Variants in ZNF536 observed in about 807,000 individuals in gnomAD.
The protein encoded by ZNF536 is zinc finger protein 536.
ZNF536 carries 13 observed loss-of-function variants against 84.5 expected under a neutral mutation model. That is an observed-to-expected ratio of 0.15 (90% CI 0.10 to 0.24). The LOEUF (loss-of-function observed/expected upper bound fraction) is 0.24, where lower values mean the gene tolerates loss of function less well. Among genes scored for constraint, ZNF536 ranks in the 10% least tolerant of loss-of-function variants. ZNF536 has a pLI of 1.00. For missense variants in ZNF536, 1,536 were observed against 1,747.5 expected, an observed-to-expected ratio of 0.88 and a Z score of 2.16; for synonymous variants, 811 against 742.5, an observed-to-expected ratio of 1.09 and a Z score of -1.50.
chr19:30,623,041 TTTTTTTG>T (rs2048546483), intron 1 of ZNF536, among the ~76,000 whole-genome samples: 8 of 127,884 alleles, frequency 6.3e-5, no homozygotes, highest in African/African-American at 2.5e-4. Flanking sequence ...TGTTTTTTTG[TTTTTTTG>T]TTTTTTTGAG....
intron 2 of ZNF536, among the ~76,000 whole-genome samples, chr19:30,321,162 C>T (rs919822504): frequency 3.3e-5 from 5 of 152,220 alleles, no homozygotes; most frequent in African/African-American, 1.2e-4. Context: ...TGCAAATCCA[C>T]CTGCCCCAGG....
intron 1 of ZNF536, among the ~76,000 whole-genome samples, chr19:30,659,002 C>T (rs1422992747): frequency 1.3e-5 from 2 of 152,106 alleles, no homozygotes; most frequent in Admixed American, 1.3e-4. Flanking sequence ...CAGGTGGGTC[C>T]ATTAGGGATG....
chr19:30,563,394 C>G (rs1450234979), intron 1 of ZNF536, among the ~76,000 whole-genome samples: 1 of 152,182 alleles, frequency 6.6e-6, no homozygotes, highest in Non-Finnish European at 1.5e-5. Context: ...TCACTGTTTT[C>G]TAGTGGTAAA....
At chr19:30,505,793 C>G (rs1225597381) in intron 2 of ZNF536, among the ~76,000 whole-genome samples, 9 of 151,814 alleles carry the variant, frequency 5.9e-5, no homozygotes, top group Admixed American at 5.9e-4. Context: ...AGCCTCCCGA[C>G]TAGCTGGGAT....
chr19:30,312,058 A>C (rs928916124), intron 2 of ZNF536, among the ~76,000 whole-genome samples: 1 of 152,138 alleles, frequency 6.6e-6, no homozygotes, highest in African/African-American at 2.4e-5. Flanking sequence ...ACAGAGCAAG[A>C]CCCTGTTGCA....
intron 4 of ZNF536, chr19:30,554,251 CTTTTTTTTTTTT>C (rs910609326): frequency 1.2e-5 from 1 of 83,982 alleles, no homozygotes; most frequent in African/African-American, 4.8e-5. Flanking sequence ...AGAATACCTA[CTTTTTTTTTTTT>C]TTTTTTTTTT....
rs569312789 is a variant in ZNF536 at position 30,627,468 on chromosome 19, C to CAAAAAAAAAAA, written c.169+77979_169+77989dup. Among the ~76,000 whole-genome samples the CAAAAAAAAAAA allele has an allele frequency of 4.2e-4, 22 of 52,050 alleles. 3 individuals are homozygous for CAAAAAAAAAAA. Among genetic ancestry groups the CAAAAAAAAAAA allele is most frequent in the African/African-American group, 2.1e-3 (22 of 10,648 alleles). 34.1% of individuals were successfully genotyped at this position (52,050 alleles called of 152,430 possible). A position where few individuals can be genotyped will look rare whatever the true frequency, so the allele number is the denominator to read the frequency against. ...CCTGGGTGACAGACCAAGGCCCTGTCAAAAAAAAAAAAAAAAAAAAAAAAA... is the reference window on the plus strand; with the variant it reads ...CCTGGGTGACAGACCAAGGCCCTGTCAAAAAAAAAAAAAAAAAAAAAAAAAAAAAAAAAAAA... On this transcript the variant is annotated intron_variant, in intron 1 of 1. Transcript: ENST00000592773.
intron 1 of ZNF536, among the ~76,000 whole-genome samples, chr19:30,573,205 G>T (rs1051583946): frequency 5.9e-5 from 9 of 152,162 alleles, no homozygotes; most frequent in African/African-American, 1.9e-4. Flanking sequence ...CTTCTCGAGG[G>T]CCCTGTGTGG....
intron 1 of ZNF536, among the ~76,000 whole-genome samples, chr19:30,640,733 C>G (rs2049239328): frequency 6.6e-6 from 1 of 152,234 alleles, no homozygotes; most frequent in South Asian, 2.1e-4. Flanking sequence ...GGCCATCATT[C>G]CAGGCAAGCT....
At chr19:30,697,874 T>A (rs1037841612) in intron 1 of ZNF536, among the ~76,000 whole-genome samples, 2 of 152,252 alleles carry the variant, frequency 1.3e-5, no homozygotes, top group Non-Finnish European at 1.5e-5. Flanking sequence ...GTTCTGTGAC[T>A]TTGGAAGCAT....
intron 2 of ZNF536, among the ~76,000 whole-genome samples, chr19:30,474,330 T>TCC (rs1192357848): frequency 6.6e-6 from 1 of 151,950 alleles, no homozygotes; most frequent in Non-Finnish European, 1.5e-5. Flanking sequence ...TCTCTCTCTC[T>TCC]CTGTGTGTGT....
chr19:30,285,093 C>T (rs550150674), intron 2 of ZNF536, among the ~76,000 whole-genome samples: 2 of 152,278 alleles, frequency 1.3e-5, no homozygotes, highest in South Asian at 2.1e-4. Flanking sequence ...CTGTCAGTGC[C>T]GTTGGCACAG....
intron 1 of ZNF536, among the ~76,000 whole-genome samples, chr19:30,624,167 C>G (rs1279547279): frequency 6.6e-6 from 1 of 152,168 alleles, no homozygotes; most frequent in Non-Finnish European, 1.5e-5. Context: ...TGGGTCCAGG[C>G]TCAGCCGTAT....
intron 2 of ZNF536, among the ~76,000 whole-genome samples, chr19:30,468,086 A>T (rs1472789643): frequency 6.6e-6 from 1 of 152,238 alleles, no homozygotes. Context: ...CGCCCACGAC[A>T]AGATACGCTG....
At chr19:30,452,200 TTA>T (rs1275355097) in intron 2 of ZNF536, among the ~76,000 whole-genome samples, 1 of 152,192 alleles carries the variant, frequency 6.6e-6, no homozygotes, top group Non-Finnish European at 1.5e-5. Flanking sequence ...GCCCACTGTG[TTA>T]TGTGAGCCCT....
intron 1 of ZNF536, among the ~76,000 whole-genome samples, chr19:30,605,059 T>C (rs1471003457): frequency 6.6e-6 from 1 of 152,202 alleles, no homozygotes; most frequent in African/African-American, 2.4e-5. Context: ...AGGGGTCTCA[T>C]TATCCCCATT....
chr19:30,446,638 T>G (rs2052362711), intron 2 of ZNF536, among the ~76,000 whole-genome samples: 1 of 152,132 alleles, frequency 6.6e-6, no homozygotes, highest in Non-Finnish European at 1.5e-5. Flanking sequence ...TTTCCTCTGA[T>G]GGTTTGGAAA....
intron 2 of ZNF536, among the ~76,000 whole-genome samples, chr19:30,347,615 G>A (rs543163791): frequency 6.6e-5 from 10 of 152,116 alleles, no homozygotes; most frequent in Non-Finnish European, 1.3e-4. Flanking sequence ...TCTGGTCCAG[G>A]GTCTGTGCTC....
At chr19:30,561,642 C>A (rs760122927), downstream of ZNF536, among the ~76,000 whole-genome samples, 3 of 152,168 alleles carry the variant, frequency 2.0e-5, no homozygotes, top group Non-Finnish European at 4.4e-5. Context: ...GGGGCTCAGC[C>A]CCTTTGGGGG....
Sources: gnomAD v4.1 joint callset for allele counts (sites outside exome capture counted in the v4.1 genomes callset) on GRCh38, gnomAD v4.1.1 for gene constraint, MANE v1.5 for transcripts, NCBI Gene and HGNC (gene_info 2026-07-23, HGNC 2026-07-21) for gene names.